Variants in NKD2 observed in about 807,000 individuals in gnomAD.
NKD2 encodes the protein NKD inhibitor of Wnt signaling pathway 2.
A neutral mutation model predicts 34.8 loss-of-function variants in NKD2; 43 were observed. The ratio of observed to expected loss-of-function variants is 1.24; its 90% CI spans 0.97 to 1.60. NKD2 has a LOEUF of 1.60. Ranked by LOEUF, NKD2 falls within the 40% of genes most tolerant of loss-of-function variation. NKD2 has a pLI of 0.00. For missense variants in NKD2, 675 were observed against 627.1 expected (o/e 1.08, Z -0.82); for synonymous variants, 278 against 265.1 (o/e 1.05, Z -0.47).
intron 3 of NKD2, among the ~76,000 whole-genome samples, chr5:1,028,926 G>T (rs962108011): frequency 3.9e-5 from 6 of 152,214 alleles, no homozygotes; most frequent in African/African-American, 1.4e-4. Flanking sequence ...ATTGGGCCAG[G>T]CCTGCTGGGA....
At chr5:1,028,137 A>G (rs1264130503) in intron 3 of NKD2, among the ~76,000 whole-genome samples, 2 of 140,770 alleles carry the variant, frequency 1.4e-5, no homozygotes, top group East Asian at 1.9e-4. Flanking sequence ...TGGGACCAGG[A>G]CGGGGGCTGG....
intron 3 of NKD2, among the ~76,000 whole-genome samples, chr5:1,010,937 A>G (rs761355783): frequency 6.6e-6 from 1 of 152,124 alleles, no homozygotes. Flanking sequence ...CGCCCTCACC[A>G]TGAAGTGCAG....
At chr5:1,033,285 G>A (rs1308942065) in intron 4 of NKD2, 87 bp from the exon 5 acceptor site, 1 of 1,266,356 alleles carries the variant, frequency 7.9e-7, no homozygotes, top group Non-Finnish European at 1.1e-6. Flanking sequence ...ATGGTGTGGT[G>A]AGGGGAGAGC....
At chr5:1,013,633 C>T (rs895778743) in intron 3 of NKD2, among the ~76,000 whole-genome samples, 76 of 152,146 alleles carry the variant, frequency 5.0e-4, no homozygotes, top group African/African-American at 1.2e-3. Context: ...GCTGTGTGTG[C>T]GCCCAAGCTC....
intron 3 of NKD2, among the ~76,000 whole-genome samples, chr5:1,015,277 G>T (rs936330167): frequency 2.0e-5 from 3 of 152,248 alleles, no homozygotes; most frequent in South Asian, 2.1e-4. Context: ...CCCTGGCGTG[G>T]CCAGGTGTGG....
chr5:1,034,925 A>G lies in NKD2; in HGVS notation c.574+22A>G, dbSNP rs777097158. ...CAGGGTGAGTGAGGCCTGGGCACAC[A>G]CAGAGGACCCTACCCAACATTGGCA... is the stretch of plus-strand genomic sequence containing the variant. On this transcript the variant is annotated intron_variant, in intron 7 of 9. Coordinates refer to ENST00000296849, the MANE Select transcript of NKD2 (RefSeq NM_033120.4). The G allele has an allele frequency of 2.5e-6, 4 of 1,591,428 alleles. No individual in the cohort carries two copies. In the South Asian group the frequency reaches 4.5e-5, roughly 18 times the overall value.
intron 3 of NKD2, among the ~76,000 whole-genome samples, chr5:1,030,285 C>T (rs1399636283): frequency 1.3e-5 from 2 of 152,132 alleles, no homozygotes; most frequent in East Asian, 1.9e-4. Flanking sequence ...CATTGGTGGC[C>T]TTGGCCCCCC....
At position 1,009,617 on chromosome 5, in the gene NKD2, C is replaced by T; in HGVS notation, c.141+57C>T. 5 of 1,348,808 alleles carry T rather than the reference C, an allele frequency of 3.7e-6. No individual in the cohort carries two copies. The highest frequency in any genetic ancestry group is 4.8e-6 in the Non-Finnish European group (5 of 1,044,904). The allele number at this position is 1,348,808 out of a possible 1,614,324, so 83.6% of individuals were successfully genotyped here. ...TGCGCACCCGCCCGGGGGCGGGGAGCGGTGTCAGAGCTGTTCCTGGTGCCC... is the reference window on the plus strand; with the variant it reads ...TGCGCACCCGCCCGGGGGCGGGGAGTGGTGTCAGAGCTGTTCCTGGTGCCC... On this transcript the variant is annotated intron_variant, in intron 3 of 9. Coordinates refer to ENST00000296849, the MANE Select transcript of NKD2 (RefSeq NM_033120.4). The surrounding 1 kb of genome is among the most constrained non-coding windows in gnomAD (Gnocchi z 6.9).
intron 3 of NKD2, among the ~76,000 whole-genome samples, chr5:1,025,887 G>T (rs1756372340): frequency 2.0e-5 from 2 of 101,760 alleles, no homozygotes; most frequent in African/African-American, 3.9e-5. Flanking sequence ...CCAGCCCGTT[G>T]TCCCTGCTCT....
At chr5:1,018,320 G>A (rs1756039022) in intron 3 of NKD2, among the ~76,000 whole-genome samples, 1 of 152,216 alleles carries the variant, frequency 6.6e-6, no homozygotes, top group African/African-American at 2.4e-5. Context: ...TGCAAGCCAT[G>A]TTCCTCGGGC....
intron 8 of NKD2, 182 bp from the exon 9 acceptor site, chr5:1,036,075 G>T: frequency 7.6e-7 from 1 of 1,318,552 alleles, no homozygotes; most frequent in Non-Finnish European, 9.7e-7. Context: ...CTGTGACCTT[G>T]TTTCTCTGGA....
At chr5:1,031,540 A>G (rs1010002345) in intron 3 of NKD2, among the ~76,000 whole-genome samples, 2 of 144,786 alleles carry the variant, frequency 1.4e-5, no homozygotes, top group East Asian at 2.1e-4. Flanking sequence ...CACCTCCACC[A>G]CTGCGCAAGG....
At chr5:1,036,712 G>A (rs1194294497) in intron 9 of NKD2, 4 of 524,254 alleles carry the variant, frequency 7.6e-6, no homozygotes, top group African/African-American at 5.7e-5. Flanking sequence ...CTGCCTTGGG[G>A]TGAGAAGTCA....
rs1554000717 is a variant in NKD2, at chr5:1,009,099, T to TAGGGCGGTAGGGCGGG, written c.25+24_25+25insTAGGGCGGGAGGGCGG. ...CGAAGCACGGTGAGCCGCGGGCCGG[T>TAGGGCGGTAGGGCGGG]AGGGCGGGAGGGCGGGCGGGCGGGC... is the stretch of plus-strand genomic sequence containing the variant. On this transcript the variant is annotated intron_variant, in intron 1 of 9. Transcript: ENST00000296849. This position sits in a 1 kb window ranked among gnomAD's most constrained non-coding sequence, Gnocchi z 6.9. 1.3e-4 allele frequency: 18 copies of TAGGGCGGTAGGGCGGG among 142,918 alleles called. No individual in the cohort carries two copies. Among genetic ancestry groups the TAGGGCGGTAGGGCGGG allele is most frequent in the Non-Finnish European group, 2.0e-4 (18 of 89,094 alleles). The allele number at this position is 142,918 out of a possible 1,614,324, so 8.9% of individuals were successfully genotyped here.
intron 3 of NKD2, among the ~76,000 whole-genome samples, chr5:1,020,535 C>T (rs1232581858): frequency 2.0e-5 from 3 of 152,138 alleles, no homozygotes; most frequent in Non-Finnish European, 2.9e-5. Context: ...CAGTGGCGCT[C>T]ACAGCTTCCC....
rs1157499825 is a variant in NKD2, at chr5:1,009,054, G to A, written c.-4G>A. 3 of 443,164 alleles carry A rather than the reference G, an allele frequency of 6.8e-6. No homozygotes were observed. Among genetic ancestry groups the A allele is most frequent in the Non-Finnish European group, 7.9e-6 (2 of 252,274 alleles). 27.5% of individuals were successfully genotyped at this position (443,164 alleles called of 1,614,324 possible). ...GCGGGGCCCGGCGGGGCGTGGCGGC[G>A]GCGATGGGGAAACTGCAGTCGAAGC... On this transcript the variant is annotated 5_prime_UTR_variant, in exon 1 of 10. Coordinates refer to ENST00000296849, the MANE Select transcript of NKD2 (RefSeq NM_033120.4). This position sits in a 1 kb window ranked among gnomAD's most constrained non-coding sequence, Gnocchi z 6.9.
intron 3 of NKD2, among the ~76,000 whole-genome samples, chr5:1,029,166 G>A (rs535318262): frequency 3.2e-4 from 48 of 152,282 alleles, no homozygotes; most frequent in African/African-American, 1.1e-3. Context: ...ATTTTTTCCC[G>A]TTTGATCCTC....
At chr5:1,017,809 C>T (rs1003444896) in intron 3 of NKD2, among the ~76,000 whole-genome samples, 2 of 151,748 alleles carry the variant, frequency 1.3e-5, no homozygotes, top group African/African-American at 4.8e-5. Context: ...GGGTGCAGGC[C>T]TGTGGTGCTG....
At position 1,038,249 on chromosome 5, in the gene NKD2, T is replaced by A. The variant is rs956050226; in HGVS notation, c.1232T>A (p.Val411Glu). The A allele has an allele frequency of 1.3e-6, 2 of 1,584,946 alleles. No homozygotes were observed. Among genetic ancestry groups the A allele is most frequent in the African/African-American group, 1.3e-5 (1 of 74,546 alleles). Residue 411 changes from valine to glutamate, a missense_variant, in exon 10 of 10, where the codon GTG becomes GAG. Physicochemically the swap from Val to Glu is moderately radical, Grantham distance 121. Coordinates refer to ENST00000296849, the MANE Select transcript of NKD2 (RefSeq NM_033120.4). This position sits in a 1 kb window ranked among gnomAD's most constrained non-coding sequence, Gnocchi z 4.5. ...CCTGCCACAGTGGAGCACGAGGTGG[T>A]GCGGGACCTGCCGCCCACGCCAGCA... ...AQPATVEHEVVRDLPPTPAGE... is the reference protein window; with the variant it reads ...AQPATVEHEVERDLPPTPAGE...
Sources: gnomAD v4.1 joint callset for allele counts (sites outside exome capture counted in the v4.1 genomes callset) on GRCh38, gnomAD v4.1.1 for gene constraint, Gnocchi (gnomAD v3.1) non-coding constraint, MANE v1.5 for transcripts, NCBI Gene and HGNC (gene_info 2026-07-23, HGNC 2026-07-21) for gene names.